CD109: variants seen among roughly 807,000 people sequenced by gnomAD.
CD109 encodes CD109 molecule, also known as CD109 antigen.
A neutral mutation model predicts 165.8 loss-of-function variants in CD109; 149 were observed. That is an observed-to-expected ratio of 0.90 (90% CI 0.79 to 1.03). The LOEUF (loss-of-function observed/expected upper bound fraction) is 1.03, where lower values mean the gene tolerates loss of function less well. Ranked by LOEUF, CD109 falls within the 50% of genes least tolerant of loss-of-function variation. The pLI is 0.00. For synonymous variants in CD109, 585 were observed against 592.1 expected, an observed-to-expected ratio of 0.99 and a Z score of 0.18; for missense variants, 1,712 against 1,677.8, an observed-to-expected ratio of 1.02 and a Z score of -0.36.
rs530548493 is a variant in CD109, at chr6:73,803,659, T to C, written c.2960+358T>C. Among the ~76,000 whole-genome samples the C allele has an allele frequency of 1.2e-3, 175 of 149,714 alleles. 1 individual carries two copies. The highest frequency in any genetic ancestry group is 1.3e-3 in the Non-Finnish European group (88 of 67,612). On this transcript the variant is annotated intron_variant, in intron 24 of 32. Transcript: ENST00000287097. Reference sequence around the variant, plus strand: ...TAATCTTCCATGACTAATACAAGTGTTGTGTTACTGCGGTCAATGTAGTTT... The same window carrying C: ...TAATCTTCCATGACTAATACAAGTGCTGTGTTACTGCGGTCAATGTAGTTT...
At chr6:73,769,205 T>C (rs1486750348) in intron 14 of CD109, among the ~76,000 whole-genome samples, 1 of 152,164 alleles carries the variant, frequency 6.6e-6, no homozygotes, top group Non-Finnish European at 1.5e-5. Context: ...TTTAGTTTTG[T>C]TGAGAATTAT....
rs1776297322 is a variant in CD109 at position 73,826,961 on chromosome 6, TA to T, written c.*3330del. 6.6e-6 allele frequency: 1 copy of T among 152,108 alleles called. No homozygotes were observed. The highest frequency in any genetic ancestry group is 1.5e-5 in the Non-Finnish European group (1 of 68,010). 9.4% of individuals were successfully genotyped at this position (152,108 alleles called of 1,614,324 possible). ...AATACCAACTATTTTTATTTTTACA[TA>T]ATTCAATTATTTCATTTGACATGTC... On this transcript the variant is annotated 3_prime_UTR_variant, in exon 33 of 33. Transcript: ENST00000287097.
intron 17 of CD109, 118 bp from the exon 18 acceptor site, chr6:73,782,496 C>A: frequency 1.1e-6 from 1 of 936,588 alleles, no homozygotes; most frequent in Non-Finnish European, 1.6e-6. Flanking sequence ...CTGATACTCT[C>A]ACTGGCACAT....
At chr6:73,753,436 G>T (rs1773269928) in intron 5 of CD109, among the ~76,000 whole-genome samples, 1 of 152,048 alleles carries the variant, frequency 6.6e-6, no homozygotes, top group African/African-American at 2.4e-5. Context: ...AAATTGGTAT[G>T]GTCTGTTTGC....
chr6:73,762,174 G>A (rs565799755), intron 7 of CD109, among the ~76,000 whole-genome samples: 9 of 152,016 alleles, frequency 5.9e-5, no homozygotes, highest in African/African-American at 2.2e-4. Context: ...TGTTGGCCAG[G>A]CTGGTCTTGC....
At chr6:73,815,883 A>G (rs1775920306) in intron 30 of CD109, among the ~76,000 whole-genome samples, 1 of 152,050 alleles carries the variant, frequency 6.6e-6, no homozygotes. Flanking sequence ...CATCTGCATT[A>G]TTTGGTATTG....
chr6:73,802,285 G>A lies in CD109; in HGVS notation c.2879-935G>A, dbSNP rs574036908. ...TGTGTGTGTGTGTGTGTGTGTGTGT[G>A]TGTGTATATATATATATATATTTTT... On this transcript the variant is annotated intron_variant, in intron 23 of 32. Transcript: ENST00000287097. Among the ~76,000 whole-genome samples the A allele has an allele frequency of 5.2e-3, 513 of 99,554 alleles. 7 individuals carry two copies. Among genetic ancestry groups the A allele is most frequent in the East Asian group, 0.027 (84 of 3,078 alleles). The allele number at this position is 99,554 out of a possible 152,430, so 65.3% of individuals were successfully genotyped here.
chr6:73,799,001 C>A (rs562541155), intron 23 of CD109, among the ~76,000 whole-genome samples: 5 of 152,050 alleles, frequency 3.3e-5, no homozygotes, highest in African/African-American at 9.7e-5. Context: ...CTCTTCTTTC[C>A]TTTTCCTCTT....
chr6:73,707,015 A>G (rs540689191), intron 2 of CD109, among the ~76,000 whole-genome samples: 3 of 152,382 alleles, frequency 2.0e-5, no homozygotes, highest in South Asian at 2.1e-4. Flanking sequence ...GCTGGGTGAC[A>G]TAAATATTTG....
intron 32 of CD109, among the ~76,000 whole-genome samples, chr6:73,822,657 A>G (rs185542059): frequency 3.5e-4 from 54 of 152,350 alleles, no homozygotes; most frequent in Admixed American, 7.2e-4. Flanking sequence ...CATTTTAAAC[A>G]TTTAAGAAAC....
intron 2 of CD109, among the ~76,000 whole-genome samples, chr6:73,709,676 G>A (rs187260165): frequency 1.1e-4 from 16 of 152,150 alleles, no homozygotes; most frequent in African/African-American, 2.4e-4. Context: ...GATGAACATC[G>A]ATGCAAAAAT....
At chr6:73,700,922 C>G (rs933116969) in intron 2 of CD109, among the ~76,000 whole-genome samples, 1 of 149,632 alleles carries the variant, frequency 6.7e-6, no homozygotes, top group Non-Finnish European at 1.5e-5. Flanking sequence ...CTGCCTCAGC[C>G]TTCCGAGTAA....
chr6:73,811,129 A>G lies in CD109; in HGVS notation c.3684A>G (p.Leu1228=), dbSNP rs747226024. 3.1e-6 allele frequency: 5 copies of G among 1,612,690 alleles called. No individual in the cohort carries two copies. The East Asian group carries it at 1.1e-4, about 36-fold the overall frequency. ...VKFLIDTHNR[L]LLQTAELAVV... ...TTCTGATTGACACACACAACCGCTT[A>G]CTCCTTCAGACAGCAGAGGTGTGGG... Residue 1228 remains leucine, a synonymous_variant, in exon 28 of 33, where the codon TTA becomes TTG. Coordinates refer to ENST00000287097, the MANE Select transcript of CD109 (RefSeq NM_133493.5).
intron 5 of CD109, among the ~76,000 whole-genome samples, chr6:73,749,310 G>C (rs752711995): frequency 6.6e-6 from 1 of 152,148 alleles, no homozygotes; most frequent in Non-Finnish European, 1.5e-5. Context: ...TAAAATAAGG[G>C]GTTTGGATCA....
intron 3 of CD109, among the ~76,000 whole-genome samples, chr6:73,723,909 A>C (rs79698722): frequency 2.6e-5 from 4 of 152,122 alleles, no homozygotes; most frequent in Non-Finnish European, 5.9e-5. Context: ...TTAAAAAAAA[A>C]CAAGGCATCT....
At chr6:73,735,846 G>A (rs1009353606) in intron 4 of CD109, among the ~76,000 whole-genome samples, 2 of 152,134 alleles carry the variant, frequency 1.3e-5, no homozygotes, top group Non-Finnish European at 2.9e-5. Flanking sequence ...AATGATTAGA[G>A]ATAAGGCAGA....
chr6:73,751,705 C>A (rs189228600), intron 5 of CD109, among the ~76,000 whole-genome samples: 7 of 152,282 alleles, frequency 4.6e-5, no homozygotes, highest in Admixed American at 3.9e-4. Flanking sequence ...ACCTAGTTGT[C>A]TGCATTGTCT....
chr6:73,697,433 C>T lies in CD109; in HGVS notation c.108C>T (p.Ile36=), dbSNP rs776339213. 6.2e-7 allele frequency: 1 copy of T among 1,614,122 alleles called. No homozygotes were observed. Among genetic ancestry groups the T allele is most frequent in the Non-Finnish European group, 8.5e-7 (1 of 1,180,014 alleles). The change falls in exon 2 of 33, where the codon ATC becomes ATT. Residue 36 remains isoleucine, a synonymous_variant. Coordinates refer to ENST00000287097, the MANE Select transcript of CD109 (RefSeq NM_133493.5). The stretch of plus-strand genomic sequence containing the variant: ...TTCTGGTGACAGCCCCAGGGATCAT[C>T]AGGCCCGGAGGAAATGTGACTATTG... ...PRFLVTAPGI[I]RPGGNVTIGV...
At chr6:73,692,872 G>T (rs1040886549), upstream of CD109, among the ~76,000 whole-genome samples, 1 of 152,102 alleles carries the variant, frequency 6.6e-6, no homozygotes, top group African/African-American at 2.4e-5. Flanking sequence ...CCATAATTGT[G>T]AGGCCTCCCA....
Sources: allele counts gnomAD v4.1 joint callset (sites outside exome capture counted in the v4.1 genomes callset), GRCh38; gene constraint gnomAD v4.1.1; transcripts MANE v1.5; gene names NCBI Gene and HGNC (gene_info 2026-07-23, HGNC 2026-07-21).